MID1: variants seen among roughly 807,000 people sequenced by gnomAD.
The protein encoded by MID1 is E3 ubiquitin-protein ligase Midline-1.
In MID1, 7 loss-of-function variants were observed where a neutral mutation model predicts 40.4. The ratio of observed to expected loss-of-function variants is 0.17; its 90% confidence interval spans 0.10 to 0.33. MID1 has a LOEUF of 0.33. Ranked by LOEUF, MID1 falls within the 10% of genes least tolerant of loss-of-function variation. The pLI, the probability that MID1 is intolerant of heterozygous loss-of-function variation, is 1.00. For missense variants in MID1, 367 were observed against 558.5 expected, an observed-to-expected ratio of 0.66 and a Z score of 3.46; for synonymous variants, 229 against 221.2, an observed-to-expected ratio of 1.04 and a Z score of -0.31.
chrX:10,697,126 T>C (rs773927438), intron 1 of MID1, among the ~76,000 whole-genome samples: 2 of 112,031 alleles, frequency 1.8e-5, no homozygotes, highest in East Asian at 2.8e-4. Flanking sequence ...TGGAGATTCC[T>C]TTAATTCAGA....
intron 1 of MID1, among the ~76,000 whole-genome samples, chrX:10,588,337 G>T: frequency 9.1e-6 from 1 of 110,398 alleles, no homozygotes; most frequent in African/African-American, 3.3e-5. Context: ...TTTCCCGTTA[G>T]CAAAGCAGCT....
Position 10,474,456 on chromosome X carries a change from T to G in MID1, c.1141+167A>C, listed in dbSNP as rs186381501. 8.0e-5 allele frequency among the ~76,000 whole-genome samples: 9 copies of G among 112,201 alleles called. No individual in the cohort carries two copies. The East Asian group carries it at 2.5e-3, about 31-fold the overall frequency. On this transcript the variant is annotated intron_variant, in intron 6 of 9. Transcript: ENST00000317552. ...CAGTTTAGTAATGGGCTGTGTTGTT[T>G]TGATGAAAAAACAAAGGGCAATGCA...
chrX:10,732,023 C>T lies in MID1; in HGVS notation c.-187+101531G>A, dbSNP rs1264643379. On this transcript the variant is annotated intron_variant, in intron 1 of 10. Coordinates refer to the MID1 transcript ENST00000380785. ...AACATACACTCAATGATATAAAACT[C>T]TCTGTAAATTAGGAATTGAAGGCAA... Among the ~76,000 whole-genome samples the T allele has an allele frequency of 2.9e-5, 3 of 102,180 alleles. No homozygotes were observed. The East Asian group carries it at 9.3e-4, about 32-fold the overall frequency. The allele number at this position is 102,180 out of a possible 115,157, so 88.7% of individuals were successfully genotyped here.
At chrX:10,681,677 G>C (rs2043061665) in intron 1 of MID1, among the ~76,000 whole-genome samples, 1 of 111,161 alleles carries the variant, frequency 9.0e-6, no homozygotes, top group African/African-American at 3.3e-5. Context: ...CAAGGTAAGG[G>C]GCCATATATT....
chrX:10,614,061 G>T (rs1369182740), intron 1 of MID1, among the ~76,000 whole-genome samples: 2 of 110,003 alleles, frequency 1.8e-5, no homozygotes, highest in Non-Finnish European at 3.8e-5. Context: ...TGGGTCTGGG[G>T]ATTCAAAGGT....
intron 1 of MID1, among the ~76,000 whole-genome samples, chrX:10,593,803 A>ACACACACACC (rs759312285): frequency 9.6e-6 from 1 of 103,926 alleles, no homozygotes; most frequent in Non-Finnish European, 2.0e-5. Flanking sequence ...ACACACACAC[A>ACACACACACC]CCACTTTTTC....
intron 1 of MID1, among the ~76,000 whole-genome samples, chrX:10,636,817 T>TATATATATATATATAC (rs1204232884): frequency 2.3e-5 from 2 of 86,024 alleles, no homozygotes; most frequent in African/African-American, 8.4e-5. Context: ...TATATATATA[T>TATATATATATATATAC]ACACCACTGG....
Position 10,649,999 on chromosome X carries a change from A to C in MID1, c.-186-29580T>G, listed in dbSNP as rs918271486. Among the ~76,000 whole-genome samples, 17 of 112,075 alleles carry C rather than the reference A, an allele frequency of 1.5e-4. 1 individual carries two copies. Among genetic ancestry groups the C allele is most frequent in the Admixed American group, 1.4e-3 (15 of 10,573 alleles). ...AAACTGATAGGTTGTAGATAAGAAC[A>C]CAGAAACTGCATTCATATTTAAGAT... On this transcript the variant is annotated intron_variant, in intron 1 of 10. Transcript: ENST00000380785.
intron 1 of MID1, among the ~76,000 whole-genome samples, chrX:10,662,111 C>A (rs1285305048): frequency 9.0e-6 from 1 of 111,562 alleles, no homozygotes; most frequent in Non-Finnish European, 1.9e-5. Flanking sequence ...TTGAGACCAG[C>A]CTGACCAACA....
At position 10,449,195 on chromosome X, in the gene MID1, T is replaced by C; in HGVS notation, c.*173A>G. ...AGAAATTATTAAAGCCCGTACTTAA[T>C]ACAAGACACAGTAAAAGGAGAGGAA... On this transcript the variant is annotated 3_prime_UTR_variant, in exon 10 of 10. Coordinates refer to ENST00000317552, the MANE Select transcript of MID1 (RefSeq NM_000381.4). 1 of 438,184 alleles carries C rather than the reference T, an allele frequency of 2.3e-6. No homozygotes were observed. Among genetic ancestry groups the C allele is most frequent in the African/African-American group, 2.4e-5 (1 of 41,118 alleles). The allele number at this position is 438,184 out of a possible 1,213,427, so 36.1% of individuals were successfully genotyped here. A position where few individuals can be genotyped will look rare whatever the true frequency, so the allele number is the denominator to read the frequency against.
At chrX:10,761,779 C>T (rs1384331024) in intron 1 of MID1, among the ~76,000 whole-genome samples, 1 of 111,861 alleles carries the variant, frequency 8.9e-6, no homozygotes, top group Non-Finnish European at 1.9e-5. Context: ...TTCTAAGCCA[C>T]TATGTATGAA....
At chrX:10,654,591 A>AAG (rs1659631472) in intron 1 of MID1, among the ~76,000 whole-genome samples, 1 of 111,912 alleles carries the variant, frequency 8.9e-6, no homozygotes, top group South Asian at 3.8e-4. Flanking sequence ...CTGATCTGAC[A>AAG]AGAGAGAGAG....
rs185759491 is a variant in MID1 at position 10,701,578 on chromosome X, C to T, written c.-186-81159G>A. The stretch of plus-strand genomic sequence containing the variant: ...GAAGAAGGTGGAATTAGAGGAGATG[C>T]GGCAGCAGTTAAAAGAGTAAAACAT... On this transcript the variant is annotated intron_variant, in intron 1 of 10. Transcript: ENST00000380785. Among the ~76,000 whole-genome samples, 7 of 112,278 alleles carry T rather than the reference C, an allele frequency of 6.2e-5. No homozygotes were observed. In the South Asian group the frequency reaches 1.1e-3, roughly 18 times the overall value.
chrX:10,511,630 C>T (rs923301331), intron 3 of MID1, among the ~76,000 whole-genome samples: 1 of 112,212 alleles, frequency 8.9e-6, no homozygotes, highest in Non-Finnish European at 1.9e-5. Context: ...CTCAAACAAT[C>T]CTCCCACCTT....
intron 7 of MID1, among the ~76,000 whole-genome samples, chrX:10,464,675 G>A (rs1366263762): frequency 3.6e-5 from 4 of 111,984 alleles, no homozygotes; most frequent in Non-Finnish European, 7.5e-5. Flanking sequence ...TGCAGCAGTC[G>A]GGTTGCCACA....
At chrX:10,507,166 C>G (rs770055164) in intron 3 of MID1, among the ~76,000 whole-genome samples, 2 of 108,542 alleles carry the variant, frequency 1.8e-5, no homozygotes, top group Non-Finnish European at 3.8e-5. Flanking sequence ...TTTCCTCCCC[C>G]CTCCGCCCCC....
chrX:10,594,781 C>G (rs913997421), intron 1 of MID1, among the ~76,000 whole-genome samples: 1 of 111,618 alleles, frequency 9.0e-6, no homozygotes, highest in Non-Finnish European at 1.9e-5. Context: ...AATAGAGTAG[C>G]GCACTTGTAT....
intron 1 of MID1, among the ~76,000 whole-genome samples, chrX:10,589,384 A>C (rs1330780768): frequency 9.0e-6 from 1 of 110,655 alleles, no homozygotes; most frequent in Non-Finnish European, 1.9e-5. Flanking sequence ...CAAAACCAAC[A>C]CCAAAGTGCT....
At chrX:10,548,367 A>G (rs1251554421) in intron 2 of MID1, among the ~76,000 whole-genome samples, 1 of 111,750 alleles carries the variant, frequency 8.9e-6, no homozygotes, top group Non-Finnish European at 1.9e-5. Flanking sequence ...CAATGATGGC[A>G]TCATACAGAG....
Sources: allele counts gnomAD v4.1 joint callset (sites outside exome capture counted in the v4.1 genomes callset), GRCh38; gene constraint gnomAD v4.1.1; transcripts MANE v1.5; gene names NCBI Gene and HGNC (gene_info 2026-07-23, HGNC 2026-07-21).